Variants in C1QTNF3 observed in about 807,000 individuals in gnomAD.
C1QTNF3 encodes the protein C1q and TNF related 3.
C1QTNF3 carries 26 observed loss-of-function variants against 32.6 expected under a neutral mutation model. That is an observed-to-expected ratio of 0.80 (90% CI 0.58 to 1.11). The LOEUF is 1.11. Ranked by LOEUF, C1QTNF3 falls within the 50% of genes least tolerant of loss-of-function variation. The probability of loss-of-function intolerance (pLI) is 0.00; values close to 1 mark genes in which losing one functional copy is unlikely to be tolerated. For missense variants in C1QTNF3, 362 were observed against 398.2 expected, an observed-to-expected ratio of 0.91 and a Z score of 0.77; for synonymous variants, 155 against 146.0, an observed-to-expected ratio of 1.06 and a Z score of -0.44.
rs1358124742 is a variant in C1QTNF3, at chr5:34,019,167, A to T, written c.*1416T>A. 1.3e-5 allele frequency among the ~76,000 whole-genome samples: 2 copies of T among 152,090 alleles called. No individual in the cohort carries two copies. On this transcript the variant is annotated 3_prime_UTR_variant, in exon 6 of 6. Coordinates refer to ENST00000382065, the MANE Select transcript of C1QTNF3 (RefSeq NM_181435.6). The stretch of plus-strand genomic sequence containing the variant: ...TAGAATTTGCAAGTTTGTTTATTAG[A>T]TGGTACATGTAAATTTCCTATGACA...
chr5:34,237,259 T>A, the C1QTNF3 span, among the ~76,000 whole-genome samples: 1 of 152,162 alleles, frequency 6.6e-6, no homozygotes, highest in African/African-American at 2.4e-5. Context: ...AATGACAAAT[T>A]CCAAGTTTAA....
At chr5:34,103,547 G>A in the C1QTNF3 span, among the ~76,000 whole-genome samples, 1,446 of 143,938 alleles carry the variant, frequency 0.01, 13 homozygotes, top group South Asian at 0.023. Context: ...GTCTGGACGC[G>A]GTGGCTCACG....
chr5:34,226,426 C>G, the C1QTNF3 span, among the ~76,000 whole-genome samples: 2 of 136,908 alleles, frequency 1.5e-5, no homozygotes, highest in Non-Finnish European at 3.3e-5. Flanking sequence ...AGAACAAAGA[C>G]TGGTACAATA....
the C1QTNF3 span, among the ~76,000 whole-genome samples, chr5:34,053,032 A>G: frequency 3.9e-5 from 6 of 152,314 alleles, no homozygotes; most frequent in Middle Eastern, 6.8e-3. Context: ...CGATTTTTCC[A>G]AAGGTGAATT....
At chr5:34,128,502 T>C in the C1QTNF3 span, among the ~76,000 whole-genome samples, 1 of 152,154 alleles carries the variant, frequency 6.6e-6, no homozygotes, top group Non-Finnish European at 1.5e-5. Context: ...CGGCACTCAA[T>C]GCCAAGCCCT....
At chr5:34,052,486 T>C in the C1QTNF3 span, among the ~76,000 whole-genome samples, 13 of 152,238 alleles carry the variant, frequency 8.5e-5, no homozygotes, top group Admixed American at 4.6e-4. Context: ...AATGGACAGA[T>C]AGATGGATGA....
At chr5:34,157,254 G>A in the C1QTNF3 span, among the ~76,000 whole-genome samples, 5 of 152,138 alleles carry the variant, frequency 3.3e-5, no homozygotes, top group Non-Finnish European at 1.5e-5. Flanking sequence ...CTATTTCACA[G>A]TAGCCACAAC....
the C1QTNF3 span, among the ~76,000 whole-genome samples, chr5:34,205,740 T>G: frequency 1.3e-5 from 2 of 150,124 alleles, no homozygotes; most frequent in Non-Finnish European, 3.0e-5. Flanking sequence ...TATAGAAATA[T>G]TTAAAGATAT....
At chr5:34,163,026 C>T in the C1QTNF3 span, among the ~76,000 whole-genome samples, 5 of 152,098 alleles carry the variant, frequency 3.3e-5, no homozygotes, top group African/African-American at 9.7e-5. Flanking sequence ...ACAGAATGTT[C>T]CTCATACAAT....
At chr5:34,235,094 T>C in the C1QTNF3 span, among the ~76,000 whole-genome samples, 2 of 152,144 alleles carry the variant, frequency 1.3e-5, no homozygotes, top group Admixed American at 6.5e-5. Flanking sequence ...ATGACCACTT[T>C]AAGGTCATTT....
chr5:34,095,626 GTGTCTCCAGCACCC>G, the C1QTNF3 span, among the ~76,000 whole-genome samples: 1 of 148,278 alleles, frequency 6.7e-6, no homozygotes, highest in Non-Finnish European at 1.5e-5. Flanking sequence ...TTCTATTTTT[GTGTCTCCAGCACCC>G]ATAGCAATTT....
chr5:34,169,370 G>A, the C1QTNF3 span, among the ~76,000 whole-genome samples: 1 of 151,856 alleles, frequency 6.6e-6, no homozygotes, highest in African/African-American at 2.4e-5. Context: ...TAAAGATGTT[G>A]AGCATATTTT....
the C1QTNF3 span, among the ~76,000 whole-genome samples, chr5:34,240,662 T>C: frequency 6.6e-6 from 1 of 152,150 alleles, no homozygotes; most frequent in Non-Finnish European, 1.5e-5. Context: ...CTGGACTATA[T>C]GGATTCACAG....
the C1QTNF3 span, among the ~76,000 whole-genome samples, chr5:34,211,548 C>A: frequency 8.3e-6 from 1 of 120,166 alleles, no homozygotes; most frequent in Non-Finnish European, 1.7e-5. Flanking sequence ...CCCCTCCCCC[C>A]ACCCCATAAC....
the C1QTNF3 span, among the ~76,000 whole-genome samples, chr5:34,230,729 G>C: frequency 2.0e-5 from 3 of 152,050 alleles, no homozygotes; most frequent in African/African-American, 7.2e-5. Flanking sequence ...CACTAGTAAT[G>C]ACTGTAGTGG....
chr5:34,039,291 G>T lies in C1QTNF3; in HGVS notation c.303+3532C>A, dbSNP rs1354839617. On this transcript the variant is annotated intron_variant, in intron 1 of 5. Transcript: ENST00000382065. Reference sequence around the variant, plus strand: ...AACGTAAAAAAACCCCAAGTCAAAAGGTCAAACCGTGCACTTGTCTTTCAA... The same window carrying T: ...AACGTAAAAAAACCCCAAGTCAAAATGTCAAACCGTGCACTTGTCTTTCAA... Among the ~76,000 whole-genome samples, 8 of 152,250 alleles carry T rather than the reference G, an allele frequency of 5.3e-5. No individual in the cohort carries two copies. In the South Asian group the frequency reaches 1.0e-3, roughly 20 times the overall value.
intron 3 of C1QTNF3, 100 bp from the exon 4 acceptor site, chr5:34,028,983 T>C: frequency 1.0e-6 from 1 of 981,004 alleles, no homozygotes; most frequent in Non-Finnish European, 1.5e-6. Context: ...AACAGCAAGA[T>C]TGGGAATAAA....
At chr5:34,029,733 T>TA (rs1196914319) in intron 3 of C1QTNF3, among the ~76,000 whole-genome samples, 23 of 152,362 alleles carry the variant, frequency 1.5e-4, no homozygotes, top group African/African-American at 5.3e-4. Context: ...TCATTACACT[T>TA]ATAATTTTCA....
At chr5:34,132,069 G>C in the C1QTNF3 span, among the ~76,000 whole-genome samples, 1 of 152,220 alleles carries the variant, frequency 6.6e-6, no homozygotes, top group Non-Finnish European at 1.5e-5. Flanking sequence ...GTGATAACTT[G>C]ACAGTGCTAC....
Sources: allele counts gnomAD v4.1 joint callset (sites outside exome capture counted in the v4.1 genomes callset), GRCh38; gene constraint gnomAD v4.1.1; transcripts MANE v1.5; gene names NCBI Gene and HGNC (gene_info 2026-07-23, HGNC 2026-07-21).